TENM2: variants seen among roughly 807,000 people sequenced by gnomAD.
TENM2 encodes teneurin transmembrane protein 2.
A neutral mutation model predicts 245.2 loss-of-function variants in TENM2; 52 were observed. The observed-to-expected ratio is 0.21, with a 90% CI of 0.17 to 0.27. TENM2 has a LOEUF of 0.27. Among genes scored for constraint, TENM2 ranks in the 10% least tolerant of loss-of-function variants. TENM2 has a pLI of 1.00. For synonymous variants in TENM2, 1,363 were observed against 1,438.9 expected (o/e 0.95, Z 1.19); for missense variants, 3,046 against 3,666.8 (o/e 0.83, Z 4.37).
the TENM2 span, among the ~76,000 whole-genome samples, chr5:167,246,058 T>C: frequency 2.0e-5 from 3 of 152,160 alleles, no homozygotes; most frequent in East Asian, 1.9e-4. Flanking sequence ...ACTCCTCCTC[T>C]CTTGGGAGTG....
the TENM2 span, among the ~76,000 whole-genome samples, chr5:167,261,239 C>T: frequency 2.6e-5 from 4 of 152,066 alleles, no homozygotes; most frequent in African/African-American, 4.8e-5. Flanking sequence ...GGATAAGGGG[C>T]GTGAAGGCAG....
intron 13 of TENM2, among the ~76,000 whole-genome samples, chr5:168,170,954 T>C (rs1050645278): frequency 6.6e-6 from 1 of 152,242 alleles, no homozygotes; most frequent in East Asian, 1.9e-4. Context: ...GTCTCTGACC[T>C]GTCCTCCCCC....
intron 5 of TENM2, among the ~76,000 whole-genome samples, chr5:168,035,348 T>C (rs1040352774): frequency 1.3e-5 from 2 of 152,038 alleles, no homozygotes; most frequent in Admixed American, 6.5e-5. Flanking sequence ...AATACAAAAA[T>C]TGGCTAGACA....
intron 5 of TENM2, among the ~76,000 whole-genome samples, chr5:168,034,844 A>G (rs1398199940): frequency 6.6e-6 from 1 of 152,230 alleles, no homozygotes; most frequent in Non-Finnish European, 1.5e-5. Flanking sequence ...AGATCAGCTT[A>G]GAAAAATCCT....
chr5:166,979,382 CCTCT>C, the TENM2 span, among the ~76,000 whole-genome samples: 2 of 151,440 alleles, frequency 1.3e-5, no homozygotes, highest in Admixed American at 6.6e-5. Context: ...CCCTTCTTTC[CCTCT>C]CTCTCTCTTT....
At chr5:167,642,885 G>T (rs1000495974) in intron 2 of TENM2, among the ~76,000 whole-genome samples, 3 of 152,136 alleles carry the variant, frequency 2.0e-5, no homozygotes, top group African/African-American at 7.2e-5. Context: ...AACAGTGCAG[G>T]GATCATGTCT....
the TENM2 span, among the ~76,000 whole-genome samples, chr5:167,039,782 T>A: frequency 6.6e-6 from 1 of 152,086 alleles, no homozygotes; most frequent in Non-Finnish European, 1.5e-5. Flanking sequence ...GGTTCTGAAA[T>A]GGATTTTTTG....
At chr5:167,344,336 A>ATATAT (rs1258392612) in intron 1 of TENM2, among the ~76,000 whole-genome samples, 1 of 148,302 alleles carries the variant, frequency 6.7e-6, no homozygotes, top group Admixed American at 6.8e-5. Context: ...ATATAGATAT[A>ATATAT]TTGCAGAGAT....
chr5:167,992,596 T>A (rs376987886), intron 4 of TENM2, among the ~76,000 whole-genome samples: 2 of 152,154 alleles, frequency 1.3e-5, no homozygotes, highest in Non-Finnish European at 2.9e-5. Context: ...AAATAAAAGT[T>A]TTTTTAAAAA....
At chr5:167,835,069 C>T (rs978708479) in intron 2 of TENM2, among the ~76,000 whole-genome samples, 1 of 152,162 alleles carries the variant, frequency 6.6e-6, no homozygotes. Flanking sequence ...GGTATTGACC[C>T]TCTCTGAGCA....
At chr5:168,116,643 C>A (rs1795102957) in intron 9 of TENM2, among the ~76,000 whole-genome samples, 1 of 152,178 alleles carries the variant, frequency 6.6e-6, no homozygotes, top group African/African-American at 2.4e-5. Context: ...GGAAGGAAAT[C>A]AACAATGATA....
At chr5:167,836,365 A>G (rs562963615) in intron 2 of TENM2, among the ~76,000 whole-genome samples, 67 of 152,302 alleles carry the variant, frequency 4.4e-4, no homozygotes, top group Non-Finnish European at 8.1e-4. Context: ...ACCTCCAGGA[A>G]CTCACACTGG....
At chr5:168,220,731 G>A (rs1400733821) in intron 23 of TENM2, among the ~76,000 whole-genome samples, 2 of 152,126 alleles carry the variant, frequency 1.3e-5, no homozygotes, top group Non-Finnish European at 2.9e-5. Flanking sequence ...AGGGCAGTGT[G>A]GTCAAGACCA....
chr5:167,342,854 G>A (rs1363618589), intron 1 of TENM2, among the ~76,000 whole-genome samples: 2 of 121,252 alleles, frequency 1.6e-5, no homozygotes, highest in Non-Finnish European at 3.5e-5. Context: ...TCCTTTCCAT[G>A]ATGCATTTTT....
chr5:167,931,500 A>G (rs1778278802), intron 3 of TENM2, among the ~76,000 whole-genome samples: 1 of 149,972 alleles, frequency 6.7e-6, no homozygotes, highest in East Asian at 2.0e-4. Flanking sequence ...TATTGCTGAA[A>G]TGTGCAGATA....
intron 2 of TENM2, among the ~76,000 whole-genome samples, chr5:167,415,634 A>T (rs1390851642): frequency 6.6e-6 from 1 of 151,562 alleles, no homozygotes; most frequent in African/African-American, 2.4e-5. Context: ...CTTAGAAAGT[A>T]AGTTAGATTT....
intron 1 of TENM2, among the ~76,000 whole-genome samples, chr5:167,314,996 T>C (rs1393925090): frequency 6.6e-5 from 10 of 152,090 alleles, no homozygotes; most frequent in Non-Finnish European, 1.5e-4. Context: ...TTAAACACCA[T>C]TAATTGAGTT....
chr5:167,937,860 G>A (rs1778855315), intron 3 of TENM2: 2 of 152,140 alleles, frequency 1.3e-5, no homozygotes, highest in African/African-American at 4.8e-5. Flanking sequence ...CCCAGGAGGT[G>A]ACGTATCTTC....
At chr5:168,262,425 T>C (rs751863583) in exon 29 of TENM2, 5 of 1,579,822 alleles carry the variant, frequency 3.2e-6, no homozygotes, top group African/African-American at 1.4e-5. Context: ...GAGAGCGGGG[T>C]GAACGTGACC....
Sources: allele counts gnomAD v4.1 joint callset (sites outside exome capture counted in the v4.1 genomes callset), GRCh38; gene constraint gnomAD v4.1.1; transcripts MANE v1.5; gene names NCBI Gene and HGNC (gene_info 2026-07-23, HGNC 2026-07-21).